The following SHQ1 variants were observed in gnomAD, a reference collection of about 807,000 sequenced individuals.
The protein encoded by SHQ1 is protein SHQ1 homolog.
In SHQ1, 49 loss-of-function variants were observed where a neutral mutation model predicts 53.8. The ratio of observed to expected loss-of-function variants is 0.91; its 90% CI spans 0.72 to 1.16. SHQ1 has a LOEUF of 1.16. Among genes scored for constraint, SHQ1 ranks in the 50% most tolerant of loss-of-function variants. The probability of loss-of-function intolerance (pLI) is 0.00; values close to 1 mark genes in which losing one functional copy is unlikely to be tolerated. For missense variants in SHQ1, 738 were observed against 683.1 expected (o/e 1.08, Z -0.90); for synonymous variants, 243 against 251.0 (o/e 0.97, Z 0.30).
rs1298255006 is a variant in SHQ1 at position 72,763,062 on chromosome 3, C to CAGAG, written c.1182-12230_1182-12227dup. Among the ~76,000 whole-genome samples the CAGAG allele has an allele frequency of 1.6e-4, 12 of 76,262 alleles. No individual in the cohort carries two copies. The South Asian group carries it at 2.2e-3, about 14-fold the overall frequency. The allele number at this position is 76,262 out of a possible 152,430, so 50.0% of individuals were successfully genotyped here. A position where few individuals can be genotyped will look rare whatever the true frequency, so the allele number is the denominator to read the frequency against. Reference sequence around the variant, plus strand: ...ACACACACACACACACACACACACACAGAGAGAGAGAGAGAGAGAGAGAGA... The same window carrying CAGAG: ...ACACACACACACACACACACACACACAGAGAGAGAGAGAGAGAGAGAGAGAGAGA... On this transcript the variant is annotated intron_variant, in intron 10 of 10. Coordinates refer to ENST00000325599, the MANE Select transcript of SHQ1 (RefSeq NM_018130.3).
intron 5 of SHQ1, among the ~76,000 whole-genome samples, chr3:72,831,498 CAT>C (rs762935758): frequency 3.3e-5 from 5 of 152,362 alleles, no homozygotes; most frequent in South Asian, 4.1e-4. Flanking sequence ...TGAATAATCA[CAT>C]GAGTGCACTT....
chr3:72,769,781 G>A (rs575595173), intron 10 of SHQ1, among the ~76,000 whole-genome samples: 1 of 152,262 alleles, frequency 6.6e-6, no homozygotes, highest in Admixed American at 6.5e-5. Flanking sequence ...GACCACATGG[G>A]CTACTTCACC....
At position 72,751,535 on chromosome 3, in the gene SHQ1, T is replaced by TATATATATATATATATATAC. The variant is rs1444853961; in HGVS notation, c.1182-700_1182-699insGTATATATATATATATATAT. 8.0e-4 allele frequency among the ~76,000 whole-genome samples: 112 copies of TATATATATATATATATATAC among 139,924 alleles called. 1 individual carries two copies. Among genetic ancestry groups the TATATATATATATATATATAC allele is most frequent in the African/African-American group, 3.2e-3 (107 of 33,412 alleles). The allele number at this position is 139,924 out of a possible 152,430, so 91.8% of individuals were successfully genotyped here. On this transcript the variant is annotated intron_variant, in intron 10 of 10. Coordinates refer to ENST00000325599, the MANE Select transcript of SHQ1 (RefSeq NM_018130.3). ...ATATATATATATATATATATACATATACATACACTAATAAAGCCTAACTCT... is the reference window on the plus strand; with the variant it reads ...ATATATATATATATATATATACATATATATATATATATATATATACACATACACTAATAAAGCCTAACTCT...
At chr3:72,765,992 T>C (rs1705718328) in intron 10 of SHQ1, among the ~76,000 whole-genome samples, 1 of 152,120 alleles carries the variant, frequency 6.6e-6, no homozygotes, top group Non-Finnish European at 1.5e-5. Flanking sequence ...AAGTAAAATA[T>C]AGTGTGCTAG....
At chr3:72,834,921 A>C (rs138439498) in intron 4 of SHQ1, among the ~76,000 whole-genome samples, 1,891 of 152,160 alleles carry the variant, frequency 0.012, 16 homozygotes, top group Non-Finnish European at 0.019. Flanking sequence ...GCTTAACACA[A>C]TGCACATTTA....
At chr3:72,762,565 C>T (rs949371557) in intron 10 of SHQ1, among the ~76,000 whole-genome samples, 4 of 152,184 alleles carry the variant, frequency 2.6e-5, no homozygotes, top group Non-Finnish European at 5.9e-5. Context: ...GAATTGTATA[C>T]CTCACTTGAA....
At chr3:72,826,411 G>C (rs893583464) in intron 5 of SHQ1, among the ~76,000 whole-genome samples, 1 of 152,136 alleles carries the variant, frequency 6.6e-6, no homozygotes, top group Non-Finnish European at 1.5e-5. Flanking sequence ...AATTTCAAAG[G>C]GATAAACAAT....
chr3:72,835,708 A>G (rs1707973002), intron 4 of SHQ1, among the ~76,000 whole-genome samples: 1 of 152,166 alleles, frequency 6.6e-6, no homozygotes, highest in Admixed American at 6.5e-5. Flanking sequence ...TTCTGGCTCA[A>G]ATACGCTCAA....
chr3:72,794,306 A>C (rs886327442), intron 9 of SHQ1: 2 of 152,208 alleles, frequency 1.3e-5, no homozygotes, highest in African/African-American at 2.4e-5. Context: ...CATAATTAAC[A>C]CTAGAAAGTA....
At chr3:72,802,561 G>T (rs993738451) in intron 9 of SHQ1, among the ~76,000 whole-genome samples, 6 of 152,116 alleles carry the variant, frequency 3.9e-5, no homozygotes, top group South Asian at 2.1e-4. Flanking sequence ...CCAGACAGAT[G>T]GGAATTTGCC....
chr3:72,728,391 C>G, the SHQ1 span, among the ~76,000 whole-genome samples: 10 of 152,218 alleles, frequency 6.6e-5, no homozygotes, highest in Non-Finnish European at 1.3e-4. Context: ...CCTCACCTGA[C>G]TCCTCTGAGG....
intron 6 of SHQ1, 75 bp downstream of exon 6, chr3:72,824,349 A>C: frequency 1.3e-6 from 2 of 1,531,330 alleles, no homozygotes; most frequent in Non-Finnish European, 1.8e-6. Context: ...TACGCTTAAT[A>C]ATATGGAAGG....
chr3:72,846,168 A>C (rs1178920882), intron 1 of SHQ1: 21 of 1,504,886 alleles, frequency 1.4e-5, no homozygotes, highest in Non-Finnish European at 1.9e-5. Flanking sequence ...TAAACTCTAT[A>C]AGCCTAGAGT....
At chr3:72,754,861 T>C (rs114661604) in intron 10 of SHQ1, among the ~76,000 whole-genome samples, 1,625 of 152,220 alleles carry the variant, frequency 0.011, 33 homozygotes, top group African/African-American at 0.036. Context: ...TCTATGGAGG[T>C]TTAGAAAACA....
At chr3:72,827,453 T>C (rs1055930576) in intron 5 of SHQ1, among the ~76,000 whole-genome samples, 2 of 152,024 alleles carry the variant, frequency 1.3e-5, no homozygotes, top group African/African-American at 2.4e-5. Context: ...ACTGAAAAGA[T>C]GCTGTTTTCC....
At chr3:72,803,970 G>A (rs894836186) in intron 9 of SHQ1, among the ~76,000 whole-genome samples, 2 of 152,082 alleles carry the variant, frequency 1.3e-5, no homozygotes, top group African/African-American at 2.4e-5. Context: ...AAGCTGCAGC[G>A]CAGTGGCATG....
chr3:72,820,919 T>C (rs1197494990), intron 6 of SHQ1, among the ~76,000 whole-genome samples: 4 of 152,200 alleles, frequency 2.6e-5, no homozygotes, highest in African/African-American at 9.7e-5. Flanking sequence ...ATGAAAGATG[T>C]CTGCAAGGTA....
At chr3:72,767,025 C>T (rs138509089) in intron 10 of SHQ1, among the ~76,000 whole-genome samples, 40 of 152,284 alleles carry the variant, frequency 2.6e-4, no homozygotes, top group Admixed American at 5.2e-4. Context: ...TCAGACCACA[C>T]AGATCTAATC....
chr3:72,839,690 G>A (rs1007429916), intron 4 of SHQ1, among the ~76,000 whole-genome samples: 4 of 152,152 alleles, frequency 2.6e-5, no homozygotes, highest in Admixed American at 2.6e-4. Flanking sequence ...CAGAACCCAG[G>A]TCTTTTCCCT....
Sources: gnomAD v4.1 joint callset for allele counts (sites outside exome capture counted in the v4.1 genomes callset) on GRCh38, gnomAD v4.1.1 for gene constraint, MANE v1.5 for transcripts, NCBI Gene and HGNC (gene_info 2026-07-23, HGNC 2026-07-21) for gene names.